SIPA1L2: variants seen among roughly 807,000 people sequenced by gnomAD.
SIPA1L2 encodes the protein signal induced proliferation associated 1 like 2.
A neutral mutation model predicts 163.9 loss-of-function variants in SIPA1L2; 56 were observed. The observed-to-expected ratio is 0.34, with a 90% CI of 0.28 to 0.43. The LOEUF (loss-of-function observed/expected upper bound fraction) is 0.43. Ranked by LOEUF, SIPA1L2 falls within the 20% of genes least tolerant of loss-of-function variation. The pLI is 1.00. For missense variants in SIPA1L2, 1,974 were observed against 2,193.5 expected (o/e 0.90, Z 2.00); for synonymous variants, 877 against 865.7 (o/e 1.01, Z -0.23).
chr1:232,597,689 C>CAAAAA (rs376123118), intron 1 of SIPA1L2, among the ~76,000 whole-genome samples: 4,223 of 65,362 alleles, frequency 0.065, 297 homozygotes, highest in Non-Finnish European at 0.074. Flanking sequence ...AACTCTGTCT[C>CAAAAA]AAAAAAAAAA....
chr1:232,457,797 G>C (rs1459944912), intron 10 of SIPA1L2, among the ~76,000 whole-genome samples: 1 of 152,174 alleles, frequency 6.6e-6, no homozygotes, highest in Non-Finnish European at 1.5e-5. Context: ...GGGTGAAACT[G>C]AAAATGACAC....
intron 15 of SIPA1L2, among the ~76,000 whole-genome samples, chr1:232,436,111 C>T (rs146881551): frequency 0.011 from 1,678 of 152,288 alleles, 18 homozygotes; most frequent in Middle Eastern, 0.031. Flanking sequence ...ATTCCTCCTG[C>T]TTCCCTAGGT....
At chr1:232,404,555 A>G (rs900486755) in intron 19 of SIPA1L2, among the ~76,000 whole-genome samples, 6 of 152,216 alleles carry the variant, frequency 3.9e-5, no homozygotes, top group Non-Finnish European at 5.9e-5. Context: ...GGGGCTCAGT[A>G]TGTATAGCAG....
chr1:232,542,685 A>G (rs1243217303), intron 2 of SIPA1L2, among the ~76,000 whole-genome samples: 1 of 152,176 alleles, frequency 6.6e-6, no homozygotes, highest in Non-Finnish European at 1.5e-5. Context: ...AACCCCACAG[A>G]GTGAAGGAAA....
At chr1:232,619,058 A>C (rs1662658636) in intron 1 of SIPA1L2, among the ~76,000 whole-genome samples, 1 of 152,198 alleles carries the variant, frequency 6.6e-6, no homozygotes, top group Non-Finnish European at 1.5e-5. Context: ...CAAAACCTAA[A>C]CCAGGCAAAA....
intron 2 of SIPA1L2, among the ~76,000 whole-genome samples, chr1:232,525,420 T>TG (rs1667657191): frequency 7.5e-6 from 1 of 134,172 alleles, no homozygotes; most frequent in African/African-American, 2.7e-5. Context: ...TTTTTTTTTT[T>TG]TTTTTTTGTA....
intron 9 of SIPA1L2, chr1:232,462,081 G>A: frequency 1.2e-6 from 1 of 832,894 alleles, no homozygotes; most frequent in Middle Eastern, 2.2e-4. Flanking sequence ...TTACTCAAGA[G>A]TGAGAGAGAG....
intron 2 of SIPA1L2, among the ~76,000 whole-genome samples, chr1:232,565,136 TAAAAG>T (rs1250394719): frequency 6.6e-6 from 1 of 152,170 alleles, no homozygotes. Context: ...ATTTTTCAAA[TAAAAG>T]AAAATAGCTA....
intron 7 of SIPA1L2, among the ~76,000 whole-genome samples, chr1:232,474,237 C>T (rs1199452215): frequency 1.3e-5 from 2 of 152,188 alleles, no homozygotes; most frequent in East Asian, 3.9e-4. Context: ...AGAGAACCAA[C>T]TTATTAGTGT....
At chr1:232,540,266 T>C (rs1657573895) in intron 2 of SIPA1L2, among the ~76,000 whole-genome samples, 1 of 152,112 alleles carries the variant, frequency 6.6e-6, no homozygotes, top group Admixed American at 6.6e-5. Context: ...GTCACGCCAC[T>C]GCACTCCAGC....
chr1:232,549,099 G>A (rs1268977200), intron 2 of SIPA1L2, among the ~76,000 whole-genome samples: 1 of 152,188 alleles, frequency 6.6e-6, no homozygotes, highest in African/African-American at 2.4e-5. Flanking sequence ...GGGACATGGA[G>A]CTTTCATGCT....
intron 17 of SIPA1L2, among the ~76,000 whole-genome samples, chr1:232,428,157 T>A (rs1197207112): frequency 6.6e-6 from 1 of 152,170 alleles, no homozygotes; most frequent in Non-Finnish European, 1.5e-5. Flanking sequence ...GAGCCAGGAT[T>A]TGAGGCTAGG....
intron 20 of SIPA1L2, 87 bp downstream of exon 20, chr1:232,404,038 G>C (rs1314378991): frequency 4.7e-6 from 7 of 1,477,960 alleles, no homozygotes; most frequent in Non-Finnish European, 6.6e-6. Flanking sequence ...CTCAGGGCGT[G>C]AATAACCATG....
At chr1:232,416,402 T>A (rs1053087515) in intron 18 of SIPA1L2, among the ~76,000 whole-genome samples, 1 of 152,204 alleles carries the variant, frequency 6.6e-6, no homozygotes, top group African/African-American at 2.4e-5. Context: ...AAGATTAGAA[T>A]CAAGCCTCTG....
intron 19 of SIPA1L2, among the ~76,000 whole-genome samples, chr1:232,407,697 A>G (rs1300691582): frequency 6.6e-6 from 1 of 152,224 alleles, no homozygotes; most frequent in Non-Finnish European, 1.5e-5. Context: ...GGAAGTCTGG[A>G]AACCTAGGAG....
rs1667112126 is a variant in SIPA1L2, at chr1:232,514,224, G to C, written c.1116C>G (p.Gly372=). The C allele has an allele frequency of 6.2e-7, 1 of 1,614,212 alleles. No homozygotes were observed. Among genetic ancestry groups the C allele is most frequent in the East Asian group, 2.2e-5 (1 of 44,884 alleles). Reference sequence around the variant, plus strand: ...AAGGGGACTCACAGTTGCCTGTCTGGCCCGTAGGCATCTGAGTCTGGGATG... The same window carrying C: ...AAGGGGACTCACAGTTGCCTGTCTGCCCCGTAGGCATCTGAGTCTGGGATG... ...SAASQTQMPT[G]QTGNCESPLG... Residue 372 remains glycine, a synonymous_variant, in exon 3 of 23, where the codon GGC becomes GGG. Coordinates refer to ENST00000674635, the MANE Select transcript of SIPA1L2 (RefSeq NM_020808.5).
Position 232,461,060 on chromosome 1 carries a change from C to T in SIPA1L2, c.2922G>A (p.Val974=). ...HVNFEGIVAD[V]EPFGFAWKAG... is the part of the protein sequence containing the mutation. Reference sequence around the variant, plus strand: ...CCTTCCAGGCAAAGCCAAAAGGTTCCACATCTGCGACAATTCCTTCAAAAT... The same window carrying T: ...CCTTCCAGGCAAAGCCAAAAGGTTCTACATCTGCGACAATTCCTTCAAAAT... Residue 974 remains valine (V), a synonymous_variant, in exon 10 of 23, where the codon GTG becomes GTA. Transcript: ENST00000674635. The T allele has an allele frequency of 4.3e-6, 7 of 1,614,284 alleles. No homozygotes were observed. Among genetic ancestry groups the T allele is most frequent in the Non-Finnish European group, 5.9e-6 (7 of 1,180,050 alleles).
chr1:232,591,814 C>T (rs1344332828), intron 1 of SIPA1L2, among the ~76,000 whole-genome samples: 2 of 152,204 alleles, frequency 1.3e-5, no homozygotes, highest in African/African-American at 4.8e-5. Flanking sequence ...ACTTCAAAAT[C>T]CAGTTTATCC....
intron 22 of SIPA1L2, among the ~76,000 whole-genome samples, chr1:232,401,387 GC>G (rs1304455736): frequency 6.6e-6 from 1 of 152,140 alleles, no homozygotes; most frequent in Non-Finnish European, 1.5e-5. Flanking sequence ...ACGTGCTTTA[GC>G]TTTTTTTGGG....
Sources: gnomAD v4.1 joint callset for allele counts (sites outside exome capture counted in the v4.1 genomes callset) on GRCh38, gnomAD v4.1.1 for gene constraint, MANE v1.5 for transcripts, NCBI Gene and HGNC (gene_info 2026-07-23, HGNC 2026-07-21) for gene names.